The following KMT2C variants were observed in gnomAD, a reference collection of about 807,000 sequenced individuals.
KMT2C encodes the protein lysine methyltransferase 2C.
A neutral mutation model predicts 507.9 loss-of-function variants in KMT2C; 88 were observed. The ratio of observed to expected loss-of-function variants is 0.17; its 90% CI spans 0.15 to 0.21. The LOEUF (loss-of-function observed/expected upper bound fraction) is 0.21. KMT2C is among the 10% of genes least tolerant of loss of function. The pLI, the probability that KMT2C is intolerant of heterozygous loss-of-function variation, is 1.00. For synonymous variants in KMT2C, 2,049 were observed against 2,080.8 expected (o/e 0.98, Z 0.42); for missense variants, 4,954 against 5,957.8 (o/e 0.83, Z 5.55).
intron 22 of KMT2C, among the ~76,000 whole-genome samples, chr7:152,221,790 T>C (rs986159840): frequency 5.9e-5 from 9 of 152,190 alleles, no homozygotes; most frequent in Non-Finnish European, 1.3e-4. Context: ...AGAGCTGTTA[T>C]TTTTGTTGCC....
intron 1 of KMT2C, among the ~76,000 whole-genome samples, chr7:152,400,463 A>C: frequency 6.6e-6 from 1 of 152,234 alleles, no homozygotes; most frequent in East Asian, 1.9e-4. Flanking sequence ...GAAGGCTCTA[A>C]AGGGATGGAT....
chr7:152,313,728 A>AT (rs2096695940), intron 4 of KMT2C, among the ~76,000 whole-genome samples: 1 of 152,134 alleles, frequency 6.6e-6, no homozygotes, highest in Non-Finnish European at 1.5e-5. Context: ...ATGATGCCAA[A>AT]TTTTTAAGTG....
chr7:152,297,441 T>C (rs1231042650), intron 6 of KMT2C, among the ~76,000 whole-genome samples: 1 of 152,076 alleles, frequency 6.6e-6, no homozygotes, highest in Non-Finnish European at 1.5e-5. Context: ...CATATGCATA[T>C]GAGGAAACTA....
chr7:152,380,827 C>T (rs1295395954), intron 1 of KMT2C, among the ~76,000 whole-genome samples: 5 of 151,510 alleles, frequency 3.3e-5, no homozygotes, highest in African/African-American at 9.7e-5. Context: ...GCACGAATGG[C>T]GGGCAGGTGG....
intron 39 of KMT2C, among the ~76,000 whole-genome samples, chr7:152,173,294 A>G (rs1421597953): frequency 1.3e-5 from 2 of 152,196 alleles, no homozygotes; most frequent in African/African-American, 4.8e-5. Flanking sequence ...TTTTTATATA[A>G]AAGTTTTTCA....
In KMT2C at chr7:152,155,927, G is replaced by A. The variant is rs1479654585; in HGVS notation, c.11943C>T (p.Asn3981=). The A allele has an allele frequency of 6.2e-7, 1 of 1,602,468 alleles. No individual in the cohort carries two copies. Among genetic ancestry groups the A allele is most frequent in the Non-Finnish European group, 8.5e-7 (1 of 1,177,534 alleles). Residue 3981 remains asparagine (N), a synonymous_variant, in exon 46 of 59, where the codon AAC becomes AAT. Coordinates refer to ENST00000262189, the MANE Select transcript of KMT2C (RefSeq NM_170606.3). Reference sequence around the variant, plus strand: ...ACCTGTACCTTAATTCTTCCTGATTGTTATGAGGTGGTGTTGGGAGGGAGG... The same window carrying A: ...ACCTGTACCTTAATTCTTCCTGATTATTATGAGGTGGTGTTGGGAGGGAGG... ...VPASLPTPPH[N]NQEELRIQDH...
At chr7:152,166,845 A>T (rs991672340) in intron 42 of KMT2C, among the ~76,000 whole-genome samples, 1 of 152,216 alleles carries the variant, frequency 6.6e-6, no homozygotes, top group African/African-American at 2.4e-5. Flanking sequence ...GCAGAAAAAA[A>T]TAACGTCTCC....
intron 7 of KMT2C, among the ~76,000 whole-genome samples, chr7:152,271,949 A>T (rs1341340530): frequency 1.3e-5 from 2 of 152,068 alleles, no homozygotes; most frequent in Non-Finnish European, 2.9e-5. Context: ...TGACTGCTGA[A>T]AAGGTATGGG....
intron 38 of KMT2C, among the ~76,000 whole-genome samples, chr7:152,174,886 T>G (rs1487570112): frequency 6.6e-6 from 1 of 152,170 alleles, no homozygotes; most frequent in Non-Finnish European, 1.5e-5. Context: ...TAGAAACAAG[T>G]TAAAGAGGTT....
chr7:152,348,678 T>A (rs1416045231), intron 2 of KMT2C, among the ~76,000 whole-genome samples: 2 of 108,838 alleles, frequency 1.8e-5, no homozygotes, highest in African/African-American at 6.5e-5. Flanking sequence ...CCAATAAACA[T>A]AAACAGATGG....
intron 23 of KMT2C, among the ~76,000 whole-genome samples, chr7:152,218,234 G>C (rs1235630553): frequency 6.6e-6 from 1 of 151,998 alleles, no homozygotes; most frequent in Non-Finnish European, 1.5e-5. Flanking sequence ...GCTCGATCTT[G>C]GCTCACTGCA....
chr7:152,362,262 A>G (rs532623350), intron 1 of KMT2C, among the ~76,000 whole-genome samples: 1 of 152,366 alleles, frequency 6.6e-6, no homozygotes, highest in South Asian at 2.1e-4. Context: ...GCATTGCAGT[A>G]GAAGTAACAG....
At position 152,248,715 on chromosome 7, in the gene KMT2C, A is replaced by C. The variant is rs548208363; in HGVS notation, c.1814-95T>G. ...AAAACATTTGGCTACACTAGAACTTAAATCAGAAGGTATTCATCAAAGCAG... is the reference window on the plus strand; with the variant it reads ...AAAACATTTGGCTACACTAGAACTTCAATCAGAAGGTATTCATCAAAGCAG... On this transcript the variant is annotated intron_variant, in intron 13 of 58. Transcript: ENST00000262189. 1.0e-5 allele frequency: 7 copies of C among 679,480 alleles called. No individual in the cohort carries two copies. The South Asian group carries it at 1.4e-4, about 14-fold the overall frequency. 42.1% of individuals were successfully genotyped at this position (679,480 alleles called of 1,614,324 possible).
chr7:152,318,167 T>C (rs111246914), intron 3 of KMT2C, among the ~76,000 whole-genome samples: 6 of 151,278 alleles, frequency 4.0e-5, no homozygotes, highest in East Asian at 2.0e-4. Flanking sequence ...AAAAAACATA[T>C]ATACAGTGAC....
At chr7:152,334,196 C>T (rs1473091880) in intron 2 of KMT2C, among the ~76,000 whole-genome samples, 1 of 152,240 alleles carries the variant, frequency 6.6e-6, no homozygotes, top group Non-Finnish European at 1.5e-5. Context: ...TGGCTCACGC[C>T]TGTAATCCCA....
chr7:152,336,347 G>GTC (rs769597661), intron 2 of KMT2C, among the ~76,000 whole-genome samples: 1 of 152,090 alleles, frequency 6.6e-6, no homozygotes, highest in Non-Finnish European at 1.5e-5. Context: ...GAGTGTTTAT[G>GTC]TCTCTCTCTC....
chr7:152,324,940 T>G (rs1356082850), intron 3 of KMT2C, among the ~76,000 whole-genome samples: 1 of 152,058 alleles, frequency 6.6e-6, no homozygotes, highest in Non-Finnish European at 1.5e-5. Flanking sequence ...TCGAGTAATG[T>G]TTATTGCAAG....
chr7:152,229,179 G>C (rs571136423), intron 18 of KMT2C, among the ~76,000 whole-genome samples: 1 of 152,250 alleles, frequency 6.6e-6, no homozygotes, highest in South Asian at 2.1e-4. Flanking sequence ...TGGTATGGCA[G>C]TACTAGAAAA....
intron 6 of KMT2C, among the ~76,000 whole-genome samples, chr7:152,286,684 A>G (rs2096302660): frequency 6.6e-6 from 1 of 152,220 alleles, no homozygotes; most frequent in African/African-American, 2.4e-5. Flanking sequence ...GCCGTGATAC[A>G]TAAGACAAAC....
Sources: gnomAD v4.1 joint callset for allele counts (sites outside exome capture counted in the v4.1 genomes callset) on GRCh38, gnomAD v4.1.1 for gene constraint, MANE v1.5 for transcripts, NCBI Gene and HGNC (gene_info 2026-07-23, HGNC 2026-07-21) for gene names.